The following AOAH variants were observed in gnomAD, a reference collection of about 807,000 sequenced individuals.
AOAH encodes acyloxyacyl hydrolase (neutrophil).
AOAH carries 64 observed loss-of-function variants against 92.2 expected under a neutral mutation model. The ratio of observed to expected loss-of-function variants is 0.69; its 90% confidence interval spans 0.57 to 0.86. AOAH has a LOEUF of 0.86. AOAH is among the 40% of genes least tolerant of loss of function. AOAH has a pLI of 0.00. For missense variants in AOAH, 656 were observed against 694.6 expected, an observed-to-expected ratio of 0.94 and a Z score of 0.62; for synonymous variants, 263 against 254.5, an observed-to-expected ratio of 1.03 and a Z score of -0.32.
chr7:36,641,255 A>G (rs558325793), intron 4 of AOAH, among the ~76,000 whole-genome samples: 10 of 152,162 alleles, frequency 6.6e-5, no homozygotes, highest in Non-Finnish European at 1.5e-4. Context: ...AGATCATAAT[A>G]AAAATGGAGT....
intron 13 of AOAH, among the ~76,000 whole-genome samples, chr7:36,566,067 G>C (rs1479072440): frequency 6.8e-6 from 1 of 147,148 alleles, no homozygotes; most frequent in East Asian, 2.0e-4. Flanking sequence ...TGTCTTTCAT[G>C]ACCTTGACGC....
At chr7:36,651,894 GAGACACACATAC>G (rs1215084548) in intron 4 of AOAH, among the ~76,000 whole-genome samples, 4 of 152,080 alleles carry the variant, frequency 2.6e-5, no homozygotes, top group Non-Finnish European at 5.9e-5. Flanking sequence ...CACACACACA[GAGACACACATAC>G]AGACACAGTA....
At chr7:36,540,604 T>C in intron 15 of AOAH, 113 bp from the exon 16 acceptor site, 5 of 966,470 alleles carry the variant, frequency 5.2e-6, no homozygotes, top group Non-Finnish European at 6.1e-6. Context: ...ACACACACAG[T>C]GTGGTGGTCA....
chr7:36,631,893 C>T, intron 6 of AOAH, 143 bp downstream of exon 6: 1 of 651,892 alleles, frequency 1.5e-6, no homozygotes, highest in Non-Finnish European at 2.7e-6. Context: ...CTTTTGGTTT[C>T]TGTGCAATGT....
chr7:36,671,950 C>T (rs940642543), intron 3 of AOAH, among the ~76,000 whole-genome samples: 29 of 152,050 alleles, frequency 1.9e-4, no homozygotes, highest in Non-Finnish European at 3.5e-4. Flanking sequence ...AATAATTTTA[C>T]GTTAAGGGAG....
intron 11 of AOAH, among the ~76,000 whole-genome samples, chr7:36,597,100 G>C (rs1311311107): frequency 6.6e-6 from 1 of 152,124 alleles, no homozygotes; most frequent in Admixed American, 6.5e-5. Context: ...CACGGTAGGG[G>C]CTGGAAGAGG....
rs540845375 is a variant in AOAH at position 36,524,540 on chromosome 7, G to C, written c.1523-2425C>G. Among the ~76,000 whole-genome samples the C allele has an allele frequency of 5.2e-4, 79 of 151,888 alleles. 1 individual carries two copies. Among genetic ancestry groups the C allele is most frequent in the African/African-American group, 1.8e-3 (74 of 41,440 alleles). On this transcript the variant is annotated intron_variant, in intron 19 of 20. Transcript: ENST00000617537. ...AACAAAAAAAAATTAGCCAGGTGTG[G>C]TGGTGGGCACCTGTAATCCCAGCTA...
intron 4 of AOAH, 43 bp downstream of exon 4, chr7:36,659,123 G>A (rs1795050061): frequency 6.6e-7 from 1 of 1,503,816 alleles, no homozygotes; most frequent in Admixed American, 1.7e-5. Flanking sequence ...CAAAAGCCTT[G>A]CATGTCCCTG....
chr7:36,554,758 A>T (rs1302262180), intron 13 of AOAH, among the ~76,000 whole-genome samples: 1 of 150,682 alleles, frequency 6.6e-6, no homozygotes, highest in Admixed American at 6.6e-5. Context: ...TGTGAATGGG[A>T]GTTCACTCAT....
At chr7:36,719,797 A>C (rs998168986) in intron 1 of AOAH, among the ~76,000 whole-genome samples, 1 of 152,124 alleles carries the variant, frequency 6.6e-6, no homozygotes, top group Admixed American at 6.6e-5. Context: ...TTAGGCAGGC[A>C]TGGTGGTGTG....
intron 16 of AOAH, among the ~76,000 whole-genome samples, chr7:36,539,664 G>T (rs975233881): frequency 2.0e-5 from 3 of 152,174 alleles, no homozygotes; most frequent in African/African-American, 7.2e-5. Context: ...TGTGGCATTT[G>T]GCAAGCTATC....
At position 36,552,079 on chromosome 7, in the gene AOAH, G is replaced by A. The variant is rs1786301162; in HGVS notation, c.1022-2604C>T. Among the ~76,000 whole-genome samples, 3 of 152,228 alleles carry A rather than the reference G, an allele frequency of 2.0e-5. No individual in the cohort carries two copies. The South Asian group carries it at 6.2e-4, about 32-fold the overall frequency. On this transcript the variant is annotated intron_variant, in intron 13 of 20. Coordinates refer to ENST00000617537, the MANE Select transcript of AOAH (RefSeq NM_001637.4). ...TTTTATTTTAAGTTCCAGGATACAT[G>A]TGTAGGTTTGTTACATAGGTAAATA...
chr7:36,576,515 T>C (rs755508773), intron 13 of AOAH, 59 bp downstream of exon 13: 1 of 982,714 alleles, frequency 1.0e-6, no homozygotes, highest in Non-Finnish European at 1.5e-6. Context: ...GAGGTACTTA[T>C]GAAATAAACT....
chr7:36,653,480 A>T (rs772055013), intron 4 of AOAH, among the ~76,000 whole-genome samples: 3 of 152,308 alleles, frequency 2.0e-5, no homozygotes, highest in African/African-American at 2.4e-5. Context: ...AAACCCATTT[A>T]TGTCACTTTC....
At chr7:36,628,869 T>C (rs1176916297) in intron 6 of AOAH, among the ~76,000 whole-genome samples, 3 of 152,214 alleles carry the variant, frequency 2.0e-5, no homozygotes, top group African/African-American at 7.2e-5. Context: ...AACCTACTTG[T>C]TCCTCTAAAG....
At chr7:36,590,591 G>A (rs2116770372) in intron 12 of AOAH, among the ~76,000 whole-genome samples, 1 of 152,354 alleles carries the variant, frequency 6.6e-6, no homozygotes, top group African/African-American at 2.4e-5. Context: ...GAAAGGGAAG[G>A]AGCCATTTCC....
chr7:36,581,858 T>C (rs1788950619), intron 12 of AOAH, among the ~76,000 whole-genome samples: 1 of 152,112 alleles, frequency 6.6e-6, no homozygotes, highest in African/African-American at 2.4e-5. Flanking sequence ...TAGAAAGTAT[T>C]TCACATAGTA....
At chr7:36,707,234 CAG>C (rs1798476899) in intron 1 of AOAH, among the ~76,000 whole-genome samples, 2 of 151,770 alleles carry the variant, frequency 1.3e-5, no homozygotes, top group Non-Finnish European at 2.9e-5. Flanking sequence ...TGTTTTGTCT[CAG>C]GGAATAGGGA....
chr7:36,623,112 T>C lies in AOAH; in HGVS notation c.582+78A>G, dbSNP rs1043300055. 19 of 967,420 alleles carry C rather than the reference T, an allele frequency of 2.0e-5. No individual in the cohort carries two copies. In the African/African-American group the frequency reaches 3.0e-4, roughly 15 times the overall value. The allele number at this position is 967,420 out of a possible 1,614,324, so 59.9% of individuals were successfully genotyped here. A position where few individuals can be genotyped will look rare whatever the true frequency, so the allele number is the denominator to read the frequency against. On this transcript the variant is annotated intron_variant, in intron 7 of 20. Transcript: ENST00000617537. The stretch of plus-strand genomic sequence containing the variant: ...TAATGCATTCAAATGAAATTCAGTC[T>C]TGTCTTATTAAAGGAAAGAAATGTG...
Sources: allele counts gnomAD v4.1 joint callset (sites outside exome capture counted in the v4.1 genomes callset), GRCh38; gene constraint gnomAD v4.1.1; transcripts MANE v1.5; gene names NCBI Gene and HGNC (gene_info 2026-07-23, HGNC 2026-07-21).